Variants in STRBP observed in about 807,000 individuals in gnomAD.
STRBP encodes spermatid perinuclear RNA binding protein, also known as spermatid perinuclear RNA-binding protein.
A neutral mutation model predicts 80.1 loss-of-function variants in STRBP; 13 were observed. The observed-to-expected ratio is 0.16, with a 90% CI of 0.11 to 0.26. The LOEUF is 0.26. STRBP is among the 10% of genes least tolerant of loss of function. The pLI is 1.00. For missense variants in STRBP, 485 were observed against 815.2 expected, an observed-to-expected ratio of 0.59 and a Z score of 4.93; for synonymous variants, 284 against 291.2, an observed-to-expected ratio of 0.98 and a Z score of 0.25.
At position 123,223,744 on chromosome 9, in the gene STRBP, AT is replaced by A. The variant is rs544881115; in HGVS notation, c.-165+13085del. Among the ~76,000 whole-genome samples, 262 of 152,122 alleles carry A rather than the reference AT, an allele frequency of 1.7e-3. 2 individuals are homozygous for A. Among genetic ancestry groups the A allele is most frequent in the Non-Finnish European group, 3.2e-3 (218 of 67,976 alleles). On this transcript the variant is annotated intron_variant, in intron 2 of 18. Transcript: ENST00000348403. ...CAATTTTTTTTTATGAACCTCTTGGATTTTTTTCCTCTTCCACTAAAAATCT... is the reference window on the plus strand; with the variant it reads ...CAATTTTTTTTTATGAACCTCTTGGATTTTTTCCTCTTCCACTAAAAATCT...
intron 11 of STRBP, among the ~76,000 whole-genome samples, chr9:123,150,628 G>T (rs1293835934): frequency 6.6e-6 from 1 of 152,050 alleles, no homozygotes; most frequent in Admixed American, 6.6e-5. Flanking sequence ...GATATGGAAG[G>T]TGAAAGAAAT....
At chr9:123,190,745 G>A (rs753679135) in intron 2 of STRBP, among the ~76,000 whole-genome samples, 4 of 152,218 alleles carry the variant, frequency 2.6e-5, no homozygotes, top group Non-Finnish European at 4.4e-5. Flanking sequence ...GAACCAGAAT[G>A]AGATTCCTGA....
intron 1 of STRBP, among the ~76,000 whole-genome samples, chr9:123,253,525 T>C (rs1279322829): frequency 2.6e-5 from 4 of 152,204 alleles, no homozygotes; most frequent in Admixed American, 2.6e-4. Context: ...TCAAGCCAAA[T>C]AGATATGGAT....
At chr9:123,141,982 T>G (rs700093) in intron 13 of STRBP, among the ~76,000 whole-genome samples, 149,204 of 152,304 alleles carry the variant, frequency 0.98, 73,160 homozygotes, top group East Asian at 1. Context: ...CCCCATCCTT[T>G]GGCCTTGTCC....
chr9:123,262,699 T>C (rs1464429268), intron 1 of STRBP, among the ~76,000 whole-genome samples: 1 of 152,238 alleles, frequency 6.6e-6, no homozygotes, highest in East Asian at 1.9e-4. Context: ...AAATAAAATT[T>C]AGGACTGCTT....
At chr9:123,160,202 A>G (rs1314875316) in intron 8 of STRBP, among the ~76,000 whole-genome samples, 165 bp downstream of exon 8, 1 of 152,252 alleles carries the variant, frequency 6.6e-6, no homozygotes, top group Non-Finnish European at 1.5e-5. Flanking sequence ...TGCACAAAAG[A>G]AGAATTCGCT....
Position 123,123,822 on chromosome 9 carries a change from G to A in STRBP, c.*1775C>T. 1.0e-6 allele frequency: 1 copy of A among 985,406 alleles called. No homozygotes were observed. Among genetic ancestry groups the A allele is most frequent in the Non-Finnish European group, 1.2e-6 (1 of 829,924 alleles). 61.0% of individuals were successfully genotyped at this position (985,406 alleles called of 1,614,324 possible). ...ATAAAAACTGGACACTATCAGCCATGCTTTTTCTTCTCAGTGATGGCTCTG... is the reference window on the plus strand; with the variant it reads ...ATAAAAACTGGACACTATCAGCCATACTTTTTCTTCTCAGTGATGGCTCTG... On this transcript the variant is annotated 3_prime_UTR_variant, in exon 19 of 19. Coordinates refer to ENST00000348403, the MANE Select transcript of STRBP (RefSeq NM_018387.5).
At position 123,160,420 on chromosome 9, in the gene STRBP, T is replaced by G. The variant is rs1228627548; in HGVS notation, c.670A>C (p.Ile224Leu). 1 of 1,605,754 alleles carries G rather than the reference T, an allele frequency of 6.2e-7. No homozygotes were observed. The highest frequency in any genetic ancestry group is 1.3e-5 in the African/African-American group (1 of 74,852). Residue 224 changes from isoleucine (I) to leucine (L), a missense_variant, in exon 8 of 19, where the codon ATT becomes CTT. Physicochemically the swap from Ile to Leu is conservative, Grantham distance 5. Transcript: ENST00000348403. ...GLKSCVIVLR[I>L]LRDLCNRVPT... is the part of the protein sequence containing the mutation. ...ACTCTGTTGCACAAATCACGCAGAA[T>G]GCGGAGGACAATTACACATGATTTT...
intron 2 of STRBP, among the ~76,000 whole-genome samples, chr9:123,226,791 G>A (rs968950043): frequency 6.6e-6 from 1 of 152,108 alleles, no homozygotes; most frequent in Admixed American, 6.6e-5. Flanking sequence ...GGGAGGAAGA[G>A]CAATGTATCA....
intron 2 of STRBP, among the ~76,000 whole-genome samples, chr9:123,230,140 G>A (rs890590267): frequency 1.3e-5 from 2 of 152,064 alleles, no homozygotes; most frequent in South Asian, 4.1e-4. Context: ...TATAAAGGAC[G>A]ATGAAAAAGC....
chr9:123,228,959 CACAA>C (rs1318024891), intron 2 of STRBP, among the ~76,000 whole-genome samples: 1 of 152,082 alleles, frequency 6.6e-6, no homozygotes, highest in African/African-American at 2.4e-5. Flanking sequence ...CTGATGAATG[CACAA>C]ACAAAATGTG....
chr9:123,123,116 G>A lies in STRBP; in HGVS notation c.*2481C>T. 1 of 985,424 alleles carries A rather than the reference G, an allele frequency of 1.0e-6. No individual in the cohort carries two copies. The highest frequency in any genetic ancestry group is 1.2e-6 in the Non-Finnish European group (1 of 829,952). 61.0% of individuals were successfully genotyped at this position (985,424 alleles called of 1,614,324 possible). On this transcript the variant is annotated 3_prime_UTR_variant, in exon 19 of 19. Transcript: ENST00000348403. ...CCATTTCAAGCCAGACAACCTGATG[G>A]TTCTAGAAGTCAGAGAAGAAATCTT...
intron 1 of STRBP, among the ~76,000 whole-genome samples, chr9:123,268,069 T>C (rs1255562472): frequency 1.4e-5 from 1 of 73,856 alleles, no homozygotes; most frequent in African/African-American, 5.5e-5. Context: ...CTCCAACACC[T>C]GCCCCGAGCC....
At chr9:123,161,446 T>A (rs769225255) in intron 6 of STRBP, among the ~76,000 whole-genome samples, 1 of 152,166 alleles carries the variant, frequency 6.6e-6, no homozygotes, top group Non-Finnish European at 1.5e-5. Flanking sequence ...CTGGGACCAA[T>A]AGCATTAACA....
At chr9:123,222,529 C>G (rs1283118579) in intron 2 of STRBP, among the ~76,000 whole-genome samples, 1 of 152,076 alleles carries the variant, frequency 6.6e-6, no homozygotes. Context: ...CAACAAATTA[C>G]TAATATCAGA....
intron 13 of STRBP, among the ~76,000 whole-genome samples, chr9:123,144,981 C>T (rs2036752009): frequency 6.6e-6 from 1 of 152,164 alleles, no homozygotes; most frequent in African/African-American, 2.4e-5. Flanking sequence ...TTCATTCTAC[C>T]TGGATGGATC....
At chr9:123,257,281 T>C (rs1439502924) in intron 1 of STRBP, among the ~76,000 whole-genome samples, 1 of 152,174 alleles carries the variant, frequency 6.6e-6, no homozygotes, top group East Asian at 1.9e-4. Flanking sequence ...TTCTATTTGT[T>C]TTCCATGGCT....
chr9:123,128,332 A>G, intron 17 of STRBP, 74 bp from the exon 18 acceptor site: 1 of 1,555,310 alleles, frequency 6.4e-7, no homozygotes, highest in East Asian at 2.2e-5. Context: ...CACAAGCACC[A>G]CCTGCTCAGC....
chr9:123,160,068 A>C (rs2037459248), intron 8 of STRBP, among the ~76,000 whole-genome samples: 1 of 152,188 alleles, frequency 6.6e-6, no homozygotes. Flanking sequence ...TAAGTGATTA[A>C]CCACCAGTGC....
Sources: allele counts gnomAD v4.1 joint callset (sites outside exome capture counted in the v4.1 genomes callset), GRCh38; gene constraint gnomAD v4.1.1; transcripts MANE v1.5; gene names NCBI Gene and HGNC (gene_info 2026-07-23, HGNC 2026-07-21).